DMD: variants seen among roughly 807,000 people sequenced by gnomAD.
DMD encodes dystrophin.
DMD carries 63 observed loss-of-function variants against 330.1 expected under a neutral mutation model. The ratio of observed to expected loss-of-function variants is 0.19; its 90% CI spans 0.16 to 0.24. The LOEUF is 0.24. Ranked by LOEUF, DMD falls within the 10% of genes least tolerant of loss-of-function variation. The pLI, the probability that DMD is intolerant of heterozygous loss-of-function variation, is 1.00. For missense variants in DMD, 3,344 were observed against 2,684.1 expected (o/e 1.25, Z -5.43); for synonymous variants, 1,223 against 959.8 (o/e 1.27, Z -5.07).
chrX:32,952,391 CAA>C (rs2091304346), intron 2 of DMD, among the ~76,000 whole-genome samples: 1 of 111,419 alleles, frequency 9.0e-6, no homozygotes, highest in Non-Finnish European at 1.9e-5. Flanking sequence ...CTCTGCTTCC[CAA>C]AGTGCTGGGA....
chrX:31,938,030 A>G (rs1251476778), intron 45 of DMD, among the ~76,000 whole-genome samples: 1 of 111,658 alleles, frequency 9.0e-6, no homozygotes, highest in African/African-American at 3.2e-5. Flanking sequence ...GATTTGCATA[A>G]TCAGAAAGGA....
intron 7 of DMD, among the ~76,000 whole-genome samples, chrX:32,721,343 C>CT (rs1326629292): frequency 9.1e-6 from 1 of 110,281 alleles, no homozygotes; most frequent in Non-Finnish European, 1.9e-5. Context: ...TCAGGGTTCC[C>CT]TTTCCTCCTT....
In DMD at chrX:31,517,884, A is replaced by T. The variant is rs767357390; in HGVS notation, c.8218-10431T>A. 6.5e-5 allele frequency among the ~76,000 whole-genome samples: 7 copies of T among 107,697 alleles called. No individual in the cohort carries two copies. The South Asian group carries it at 2.9e-3, about 44-fold the overall frequency. 93.5% of individuals were successfully genotyped at this position (107,697 alleles called of 115,157 possible). On this transcript the variant is annotated intron_variant, in intron 55 of 78. Coordinates refer to ENST00000357033, the MANE Select transcript of DMD (RefSeq NM_004006.3). ...ATGTTATTTAAAGTTCTATTTCTCA[A>T]GGAGTAAGAAAAAAATACATATGCT...
intron 44 of DMD, among the ~76,000 whole-genome samples, chrX:32,140,476 TA>T (rs1314377643): frequency 1.8e-5 from 2 of 112,420 alleles, no homozygotes; most frequent in Admixed American, 9.4e-5. Context: ...CCAAAGGCAT[TA>T]AGCAATGACT....
At chrX:32,374,294 A>G (rs2097892444) in intron 34 of DMD, among the ~76,000 whole-genome samples, 1 of 111,499 alleles carries the variant, frequency 9.0e-6, no homozygotes, top group Non-Finnish European at 1.9e-5. Flanking sequence ...TCTGTACAGA[A>G]GCTTTAATTT....
intron 55 of DMD, among the ~76,000 whole-genome samples, chrX:31,511,442 A>C: frequency 1.0e-5 from 1 of 99,768 alleles, no homozygotes. Flanking sequence ...CTAACTCATC[A>C]TCTAGCATTA....
At chrX:32,334,142 C>A (rs746027473) in intron 41 of DMD, among the ~76,000 whole-genome samples, 8 of 111,007 alleles carry the variant, frequency 7.2e-5, no homozygotes, top group African/African-American at 2.6e-4. Flanking sequence ...CCACTATGAT[C>A]ATCAACAATC....
chrX:32,625,734 C>T (rs1379190931), intron 11 of DMD, among the ~76,000 whole-genome samples: 2 of 111,704 alleles, frequency 1.8e-5, no homozygotes, highest in Admixed American at 1.9e-4. Context: ...TAATCATATG[C>T]TAGGCACTAA....
intron 55 of DMD, among the ~76,000 whole-genome samples, chrX:31,530,231 C>T (rs190764465): frequency 4.5e-5 from 5 of 112,202 alleles, no homozygotes; most frequent in Admixed American, 9.5e-5. Context: ...CACAACAACA[C>T]AGCAAAATCC....
chrX:32,485,030 T>C lies in DMD; in HGVS notation c.2692A>G (p.Lys898Glu), dbSNP rs369648601. 8.3e-7 allele frequency: 1 copy of C among 1,209,844 alleles called. No individual in the cohort carries two copies. The highest frequency in any genetic ancestry group is 1.1e-6 in the Non-Finnish European group (1 of 895,039). ...ERLKIQSIAL[K>E]EKGQGPMFLD... Reference sequence around the variant, plus strand: ...AACATGGGTCCTTGTCCTTTCTCTTTCAGGGCTATGCTTTGAATTTTTAAT... The same window carrying C: ...AACATGGGTCCTTGTCCTTTCTCTTCCAGGGCTATGCTTTGAATTTTTAAT... The change falls in exon 21 of 79, where the codon AAA becomes GAA. Residue 898 changes from lysine to glutamate, a missense_variant. Transcript: ENST00000357033.
chrX:33,138,904 T>C (rs934655990), intron 1 of DMD, among the ~76,000 whole-genome samples: 1 of 111,547 alleles, frequency 9.0e-6, no homozygotes. Context: ...CGTTTACCTC[T>C]TTGCTATTAT....
At chrX:32,573,967 G>T in intron 13 of DMD, 121 bp from the exon 14 acceptor site, 1 of 561,340 alleles carries the variant, frequency 1.8e-6, no homozygotes, top group East Asian at 3.6e-5. Context: ...AGTTGGAAGG[G>T]ACACTCTTTC....
chrX:32,372,195 A>T (rs983000763), intron 34 of DMD, among the ~76,000 whole-genome samples: 6 of 111,597 alleles, frequency 5.4e-5, no homozygotes, highest in African/African-American at 2.0e-4. Flanking sequence ...TTCTCTCAAG[A>T]ACTGCTTTGT....
At chrX:32,883,831 A>AG (rs2084232512) in intron 2 of DMD, among the ~76,000 whole-genome samples, 1 of 88,400 alleles carries the variant, frequency 1.1e-5, no homozygotes, top group Non-Finnish European at 2.3e-5. Flanking sequence ...TTCAAAAAAA[A>AG]AAAAAAAAAA....
chrX:32,342,832 C>T (rs1183489060), intron 40 of DMD: 4 of 380,009 alleles, frequency 1.1e-5, no homozygotes, highest in South Asian at 2.6e-5. Context: ...GTCCATATAC[C>T]GATAAGTCAT....
At chrX:32,794,478 G>A (rs746192594) in intron 7 of DMD, among the ~76,000 whole-genome samples, 2 of 111,378 alleles carry the variant, frequency 1.8e-5, no homozygotes, top group South Asian at 7.6e-4. Flanking sequence ...GGTCCCAGCT[G>A]CTCGGGAGGC....
chrX:33,004,494 T>G (rs2093353099), intron 2 of DMD, among the ~76,000 whole-genome samples: 1 of 111,645 alleles, frequency 9.0e-6, no homozygotes, highest in Non-Finnish European at 1.9e-5. Flanking sequence ...TTTAACAAAT[T>G]GTTAGTTTTT....
At chrX:31,845,316 A>G (rs1281583000) in intron 48 of DMD, among the ~76,000 whole-genome samples, 1 of 106,877 alleles carries the variant, frequency 9.4e-6, no homozygotes, top group Non-Finnish European at 1.9e-5. Flanking sequence ...AAGTAGTACA[A>G]TGCTCTGTTA....
intron 52 of DMD, among the ~76,000 whole-genome samples, chrX:31,709,580 CTGTCTG>C (rs1380647341): frequency 7.6e-5 from 6 of 79,425 alleles, no homozygotes; most frequent in African/African-American, 2.1e-4. Context: ...CTCTCTCTCT[CTGTCTG>C]TGTGTGTGTG....
Sources: gnomAD v4.1 joint callset for allele counts (sites outside exome capture counted in the v4.1 genomes callset) on GRCh38, gnomAD v4.1.1 for gene constraint, MANE v1.5 for transcripts, NCBI Gene and HGNC (gene_info 2026-07-23, HGNC 2026-07-21) for gene names.